Variants in KLHL32 observed in about 807,000 individuals in gnomAD.
KLHL32 encodes the protein kelch like family member 32, also known as kelch-like protein 32.
A neutral mutation model predicts 64.8 loss-of-function variants in KLHL32; 35 were observed. The ratio of observed to expected loss-of-function variants is 0.54; its 90% CI spans 0.41 to 0.72. KLHL32 has a LOEUF of 0.72. KLHL32 is among the 30% of genes least tolerant of loss of function. The probability of loss-of-function intolerance (pLI) is 0.00; values close to 1 mark genes in which losing one functional copy is unlikely to be tolerated. For synonymous variants in KLHL32, 259 were observed against 281.0 expected (o/e 0.92, Z 0.78); for missense variants, 589 against 768.5 (o/e 0.77, Z 2.76).
chr6:97,015,487 T>A (rs1271426368), intron 3 of KLHL32, among the ~76,000 whole-genome samples: 2 of 152,102 alleles, frequency 1.3e-5, no homozygotes, highest in African/African-American at 4.8e-5. Flanking sequence ...GGAGCAAAGG[T>A]CACTATTGCT....
chr6:97,135,748 T>C (rs1000813533), intron 10 of KLHL32, among the ~76,000 whole-genome samples: 1 of 152,224 alleles, frequency 6.6e-6, no homozygotes, highest in Non-Finnish European at 1.5e-5. Context: ...TTACAGGCTA[T>C]ATTACCATTC....
chr6:97,019,726 A>T (rs561751250), intron 3 of KLHL32, among the ~76,000 whole-genome samples: 1 of 152,344 alleles, frequency 6.6e-6, no homozygotes, highest in South Asian at 2.1e-4. Flanking sequence ...TAATAAAATA[A>T]TTGGAAGTAA....
chr6:96,954,456 C>T (rs986476674), intron 1 of KLHL32, among the ~76,000 whole-genome samples: 4 of 151,752 alleles, frequency 2.6e-5, no homozygotes, highest in Admixed American at 6.6e-5. Flanking sequence ...GCAGCGATTA[C>T]CCCATAAAGT....
chr6:96,922,519 C>A (rs181403911), upstream of KLHL32, among the ~76,000 whole-genome samples: 568 of 151,260 alleles, frequency 3.8e-3, 2 homozygotes, highest in African/African-American at 0.013. Context: ...AAAAAAAAAT[C>A]TTCTTCAGCT....
chr6:96,967,413 A>C (rs1774576753), intron 2 of KLHL32, among the ~76,000 whole-genome samples: 1 of 151,770 alleles, frequency 6.6e-6, no homozygotes. Context: ...CTATACATAT[A>C]TATGTGTGTG....
intron 5 of KLHL32, among the ~76,000 whole-genome samples, chr6:97,076,756 G>A (rs1226956598): frequency 6.6e-6 from 1 of 152,096 alleles, no homozygotes; most frequent in Non-Finnish European, 1.5e-5. Flanking sequence ...TCAGGAAATA[G>A]CTTTTTCCCA....
intron 2 of KLHL32, among the ~76,000 whole-genome samples, chr6:96,974,106 G>A (rs1175303762): frequency 6.6e-6 from 1 of 151,938 alleles, no homozygotes; most frequent in African/African-American, 2.4e-5. Context: ...CCGGATCTTG[G>A]ACCTTCAGTT....
chr6:97,105,378 G>C (rs918042206), intron 6 of KLHL32: 4 of 463,508 alleles, frequency 8.6e-6, no homozygotes, highest in African/African-American at 4.0e-5. Context: ...CTGTTTGATG[G>C]AGGTTCAGGA....
chr6:97,027,320 AGCTGGAT>A (rs1327721510), intron 3 of KLHL32, among the ~76,000 whole-genome samples: 1 of 152,200 alleles, frequency 6.6e-6, no homozygotes, highest in African/African-American at 2.4e-5. Flanking sequence ...CTCTCACTTG[AGCTGGAT>A]GTGGCTTACA....
the KLHL32 span, among the ~76,000 whole-genome samples, chr6:96,909,212 G>A: frequency 6.6e-6 from 1 of 152,148 alleles, no homozygotes; most frequent in South Asian, 2.1e-4. Flanking sequence ...TAGAGAATTC[G>A]GCATCCCTAT....
intron 6 of KLHL32, among the ~76,000 whole-genome samples, chr6:97,101,989 C>A (rs1266183476): frequency 2.0e-5 from 3 of 152,150 alleles, no homozygotes; most frequent in Non-Finnish European, 4.4e-5. Flanking sequence ...TGTACATTGT[C>A]TAAATATCAG....
At chr6:97,123,587 A>G (rs780132185) in intron 7 of KLHL32, among the ~76,000 whole-genome samples, 1 of 152,190 alleles carries the variant, frequency 6.6e-6, no homozygotes, top group Non-Finnish European at 1.5e-5. Context: ...TCACTGTGGC[A>G]CTTCAAAGTT....
intron 5 of KLHL32, among the ~76,000 whole-genome samples, chr6:97,083,070 C>A (rs1479729171): frequency 2.6e-5 from 4 of 152,120 alleles, no homozygotes; most frequent in Non-Finnish European, 5.9e-5. Context: ...TTATGCCAAC[C>A]CTATGAGCTT....
intron 4 of KLHL32, among the ~76,000 whole-genome samples, chr6:97,052,638 C>A (rs1787123974): frequency 6.6e-6 from 1 of 152,150 alleles, no homozygotes. Flanking sequence ...CCAGCCACTG[C>A]CCAATAAAGG....
chr6:96,914,742 CTATT>C, the KLHL32 span: 15 of 151,916 alleles, frequency 9.9e-5, no homozygotes, highest in African/African-American at 3.6e-4. Context: ...AGTGCATTGG[CTATT>C]TATAGATGCA....
At chr6:97,026,352 A>T (rs2128109330) in intron 3 of KLHL32, among the ~76,000 whole-genome samples, 1 of 152,136 alleles carries the variant, frequency 6.6e-6, no homozygotes, top group African/African-American at 2.4e-5. Flanking sequence ...AGCCTGGGTG[A>T]CAAAGTAAGA....
chr6:96,915,258 A>T, the KLHL32 span, among the ~76,000 whole-genome samples: 3,649 of 152,176 alleles, frequency 0.024, 105 homozygotes, highest in African/African-American at 0.069. Context: ...CTCACTACCC[A>T]TCATCCAACA....
chr6:96,975,869 C>A, intron 2 of KLHL32, 128 bp from the exon 3 acceptor site: 1 of 516,892 alleles, frequency 1.9e-6, no homozygotes, highest in Non-Finnish European at 3.2e-6. Context: ...AATGAGGGAA[C>A]AGATGGTCAC....
chr6:97,016,819 G>C (rs1275951613), intron 3 of KLHL32, among the ~76,000 whole-genome samples: 2 of 152,226 alleles, frequency 1.3e-5, no homozygotes, highest in African/African-American at 4.8e-5. Context: ...TGGATCCTGC[G>C]GTTGGTTTAC....
Sources: allele counts gnomAD v4.1 joint callset (sites outside exome capture counted in the v4.1 genomes callset), GRCh38; gene constraint gnomAD v4.1.1; transcripts MANE v1.5; gene names NCBI Gene and HGNC (gene_info 2026-07-23, HGNC 2026-07-21).